KAT2B: variants seen among roughly 807,000 people sequenced by gnomAD.
The protein encoded by KAT2B is lysine acetyltransferase 2B.
Under a neutral mutation model 105.9 loss-of-function variants are expected in KAT2B, and 36 were observed. That is an observed-to-expected ratio of 0.34 (90% CI 0.26 to 0.45). KAT2B has a LOEUF of 0.45. KAT2B is among the 20% of genes least tolerant of loss of function. The pLI, the probability that KAT2B is intolerant of heterozygous loss-of-function variation, is 1.00. For synonymous variants in KAT2B, 397 were observed against 377.9 expected, an observed-to-expected ratio of 1.05 and a Z score of -0.59; for missense variants, 820 against 1,021.6, an observed-to-expected ratio of 0.80 and a Z score of 2.69.
chr3:20,096,109 G>A (rs1698805251), intron 3 of KAT2B, among the ~76,000 whole-genome samples: 2 of 152,188 alleles, frequency 1.3e-5, no homozygotes, highest in Admixed American at 1.3e-4. Flanking sequence ...AGCGAGCAGA[G>A]GGTTGGGTGG....
intron 8 of KAT2B, among the ~76,000 whole-genome samples, chr3:20,122,370 A>C (rs1221691001): frequency 6.6e-6 from 1 of 152,222 alleles, no homozygotes; most frequent in African/African-American, 2.4e-5. Context: ...GTACTAACAA[A>C]CAATAGCTAG....
At chr3:20,109,126 G>T (rs542150295) in intron 5 of KAT2B, among the ~76,000 whole-genome samples, 7 of 152,276 alleles carry the variant, frequency 4.6e-5, no homozygotes, top group African/African-American at 1.7e-4. Context: ...TATTCCCGTT[G>T]TTAAGCAAGA....
At chr3:20,126,857 GAACTA>G (rs1261718329) in intron 10 of KAT2B, among the ~76,000 whole-genome samples, 5 of 140,304 alleles carry the variant, frequency 3.6e-5, no homozygotes, top group Non-Finnish European at 7.7e-5. Flanking sequence ...AAACCCTAAA[GAACTA>G]AACTTCTCTA....
In KAT2B at chr3:20,111,683, C is replaced by T; in HGVS notation, c.939C>T (p.Arg313=). 2 of 1,614,050 alleles carry T rather than the reference C, an allele frequency of 1.2e-6. No individual in the cohort carries two copies. Among genetic ancestry groups the T allele is most frequent in the South Asian group, 2.2e-5 (2 of 91,074 alleles). ...AGGTGTTTGGGAGAACATTGCTTCG[C>T]TCGGTCTTCACTGTTATGAGGCGAC... The part of the protein sequence containing the change: ...TTQVFGRTLL[R]SVFTVMRRQL... Residue 313 remains arginine (R), a synonymous_variant, in exon 6 of 18, where the codon CGC becomes CGT. Coordinates refer to ENST00000263754, the MANE Select transcript of KAT2B (RefSeq NM_003884.5).
chr3:20,142,641 G>T (rs544079052), intron 13 of KAT2B, among the ~76,000 whole-genome samples: 3 of 152,286 alleles, frequency 2.0e-5, no homozygotes, highest in Non-Finnish European at 2.9e-5. Flanking sequence ...TACTTTGTGA[G>T]TGTTGACTCC....
chr3:20,113,464 G>A (rs1229205227), intron 6 of KAT2B, among the ~76,000 whole-genome samples: 1 of 152,170 alleles, frequency 6.6e-6, no homozygotes, highest in Non-Finnish European at 1.5e-5. Context: ...ATTATAGTGT[G>A]TTTTGTTCCC....
intron 13 of KAT2B, among the ~76,000 whole-genome samples, chr3:20,142,891 G>A (rs549603733): frequency 7.9e-5 from 12 of 151,948 alleles, no homozygotes; most frequent in African/African-American, 2.9e-4. Context: ...GTGCCTGTGT[G>A]TGTGTGTGTG....
At chr3:20,143,794 T>C (rs1361431315) in intron 13 of KAT2B, among the ~76,000 whole-genome samples, 1 of 152,058 alleles carries the variant, frequency 6.6e-6, no homozygotes, top group African/African-American at 2.4e-5. Flanking sequence ...GAAAACAAAA[T>C]ACTGCATGTT....
intron 5 of KAT2B, among the ~76,000 whole-genome samples, chr3:20,107,353 C>CA (rs1209263693): frequency 6.7e-6 from 1 of 148,782 alleles, no homozygotes; most frequent in Non-Finnish European, 1.5e-5. Flanking sequence ...ATTTTTTACC[C>CA]AATATATAAA....
At chr3:20,066,597 C>T (rs1698226569) in intron 1 of KAT2B, among the ~76,000 whole-genome samples, 1 of 151,838 alleles carries the variant, frequency 6.6e-6, no homozygotes, top group African/African-American at 2.4e-5. Context: ...CAGGGTTTCA[C>T]CATGTTGGCC....
intron 1 of KAT2B, among the ~76,000 whole-genome samples, chr3:20,043,328 AT>A (rs751052724): frequency 5.9e-5 from 9 of 152,274 alleles, no homozygotes; most frequent in Non-Finnish European, 1.3e-4. Context: ...GGAGTTACTT[AT>A]TGTGTGTGTG....
intron 1 of KAT2B, among the ~76,000 whole-genome samples, chr3:20,060,947 A>G (rs1263755441): frequency 1.3e-5 from 2 of 151,968 alleles, no homozygotes; most frequent in Non-Finnish European, 2.9e-5. Context: ...TCTCAAAACA[A>G]CAACAACAAC....
At position 20,095,327 on chromosome 3, in the gene KAT2B, A is replaced by G; in HGVS notation, c.495A>G (p.Val165=). The change falls in exon 3 of 18, where the codon GTA becomes GTG. Residue 165 remains valine (V), a synonymous_variant. Coordinates refer to ENST00000263754, the MANE Select transcript of KAT2B (RefSeq NM_003884.5). ...EEEMNRLLGI[V]LDVEYLFTCV... is the part of the protein sequence containing the mutation. Reference sequence around the variant, plus strand: ...AAATGAACAGACTCCTGGGAATAGTATTGGATGTGGAATATCTCTTTACCT... The same window carrying G: ...AAATGAACAGACTCCTGGGAATAGTGTTGGATGTGGAATATCTCTTTACCT... 1 of 1,606,152 alleles carries G rather than the reference A, an allele frequency of 6.2e-7. No individual in the cohort carries two copies. The highest frequency in any genetic ancestry group is 8.5e-7 in the Non-Finnish European group (1 of 1,172,780).
intron 1 of KAT2B, among the ~76,000 whole-genome samples, chr3:20,063,278 G>A (rs761459475): frequency 1.3e-5 from 2 of 151,556 alleles, no homozygotes; most frequent in Admixed American, 1.3e-4. Flanking sequence ...TGTTGCTCAG[G>A]CTGGTCTTGA....
At chr3:20,134,495 G>A (rs906156270) in intron 11 of KAT2B, among the ~76,000 whole-genome samples, 10 of 152,252 alleles carry the variant, frequency 6.6e-5, no homozygotes, top group African/African-American at 9.6e-5. Flanking sequence ...AGCAACCTCC[G>A]ACTCCCTGGT....
At chr3:20,092,730 T>A (rs1036355423) in intron 2 of KAT2B, among the ~76,000 whole-genome samples, 1 of 150,754 alleles carries the variant, frequency 6.6e-6, no homozygotes, top group African/African-American at 2.4e-5. Context: ...TGAGATGGAG[T>A]CTCCCTCTGT....
intron 1 of KAT2B, among the ~76,000 whole-genome samples, chr3:20,069,989 T>C (rs2623077): frequency 0.54 from 81,644 of 152,014 alleles, 23,318 homozygotes; most frequent in African/African-American, 0.73. Context: ...AGGTGGATGG[T>C]TCATTACAGA....
chr3:20,125,845 C>T (rs1261806178), intron 9 of KAT2B, 60 bp from the exon 10 acceptor site: 2 of 1,354,030 alleles, frequency 1.5e-6, no homozygotes, highest in South Asian at 1.2e-5. Flanking sequence ...GGATGTGTCC[C>T]ATCCCCACTG....
intron 1 of KAT2B, among the ~76,000 whole-genome samples, chr3:20,048,749 T>C (rs1697859786): frequency 6.6e-6 from 1 of 152,252 alleles, no homozygotes; most frequent in Admixed American, 6.5e-5. Context: ...ATGCTGCTTT[T>C]CTGCTGTGGT....
Sources: allele counts gnomAD v4.1 joint callset (sites outside exome capture counted in the v4.1 genomes callset), GRCh38; gene constraint gnomAD v4.1.1; transcripts MANE v1.5; gene names NCBI Gene and HGNC (gene_info 2026-07-23, HGNC 2026-07-21).